The following ANKRD36C variants were observed in gnomAD, a reference collection of about 807,000 sequenced individuals.
The protein encoded by ANKRD36C is ankyrin repeat domain 36C.
ANKRD36C carries 61 observed loss-of-function variants against 276.4 expected under a neutral mutation model. The observed-to-expected ratio is 0.22, with a 90% CI of 0.18 to 0.27. The LOEUF is 0.27. Among genes scored for constraint, ANKRD36C ranks in the 10% least tolerant of loss-of-function variants. The pLI, the probability that ANKRD36C is intolerant of heterozygous loss-of-function variation, is 1.00. For missense variants in ANKRD36C, 1,447 were observed against 2,032.3 expected, an observed-to-expected ratio of 0.71 and a Z score of 5.54; for synonymous variants, 483 against 680.1, an observed-to-expected ratio of 0.71 and a Z score of 4.51.
chr2:95,918,320 C>T lies in ANKRD36C; in HGVS notation c.2246-278G>A, dbSNP rs143173439. Among the ~76,000 whole-genome samples, 776 of 151,698 alleles carry T rather than the reference C, an allele frequency of 5.1e-3. 9 individuals carry two copies. The highest frequency in any genetic ancestry group is 0.018 in the African/African-American group (742 of 41,462). ...CGTGTCAATCTCAATGTGGATATGC[C>T]GAGTGATGAGGACAAACTGATCTAA... On this transcript the variant is annotated intron_variant, in intron 34 of 66. Coordinates refer to ENST00000456556, the Ensembl canonical transcript of ANKRD36C.
At chr2:95,869,294 C>A (rs909203461) in intron 59 of ANKRD36C, among the ~76,000 whole-genome samples, 1 of 152,066 alleles carries the variant, frequency 6.6e-6, no homozygotes, top group African/African-American at 2.4e-5. Flanking sequence ...TAATTTGTCA[C>A]TGTTTGTTTG....
intron 46 of ANKRD36C, among the ~76,000 whole-genome samples, chr2:95,891,398 T>C (rs1480628373): frequency 6.6e-6 from 1 of 151,420 alleles, no homozygotes; most frequent in South Asian, 2.1e-4. Flanking sequence ...CAAAATTATG[T>C]TGTTTCCCAG....
intron 42 of ANKRD36C, among the ~76,000 whole-genome samples, chr2:95,902,107 C>G (rs1274392448): frequency 2.0e-5 from 3 of 149,272 alleles, no homozygotes; most frequent in Non-Finnish European, 4.5e-5. Context: ...CATTAAATAG[C>G]TATTTTATCC....
chr2:95,889,298 A>T (rs573470671), intron 48 of ANKRD36C, among the ~76,000 whole-genome samples: 1 of 151,728 alleles, frequency 6.6e-6, no homozygotes, highest in Non-Finnish European at 1.5e-5. Flanking sequence ...CCCAAATTAC[A>T]TAAATAACTT....
intron 6 of ANKRD36C, among the ~76,000 whole-genome samples, chr2:95,977,113 G>A (rs1678827279): frequency 6.6e-6 from 1 of 151,948 alleles, no homozygotes; most frequent in East Asian, 1.9e-4. Flanking sequence ...GGGAAGGGAA[G>A]TTATTCTTCC....
intron 6 of ANKRD36C, among the ~76,000 whole-genome samples, chr2:95,966,114 C>G (rs1349664376): frequency 6.6e-6 from 1 of 152,108 alleles, no homozygotes; most frequent in Non-Finnish European, 1.5e-5. Flanking sequence ...ATTTTTAAAA[C>G]TCAGAGGTAC....
intron 3 of ANKRD36C, 108 bp from the exon 4 acceptor site, chr2:95,982,470 C>G: frequency 1.0e-6 from 1 of 962,980 alleles, no homozygotes; most frequent in Non-Finnish European, 1.5e-6. Flanking sequence ...ATTGAAAGGT[C>G]GTAAGAGGTA....
rs546037954 is a variant in ANKRD36C at position 95,875,587 on chromosome 2, G to A, written c.3540+852C>T. Reference sequence around the variant, plus strand: ...GGAGATATACCTAATGCTAAATGACGAGTTAATGGGTGCAGCGCACCAGCA... The same window carrying A: ...GGAGATATACCTAATGCTAAATGACAAGTTAATGGGTGCAGCGCACCAGCA... On this transcript the variant is annotated intron_variant, in intron 59 of 66. Coordinates refer to ENST00000456556, the Ensembl canonical transcript of ANKRD36C. Among the ~76,000 whole-genome samples the A allele has an allele frequency of 3.9e-3, 591 of 151,042 alleles. 4 individuals carry two copies. Among genetic ancestry groups the A allele is most frequent in the African/African-American group, 0.013 (533 of 41,096 alleles).
exon 46 of ANKRD36C, chr2:95,891,700 G>T (rs919675078): frequency 3.2e-6 from 5 of 1,577,320 alleles, no homozygotes; most frequent in Non-Finnish European, 4.3e-6. Context: ...TTTTCCTCTG[G>T]CTATATTCAA....
intron 5 of ANKRD36C, among the ~76,000 whole-genome samples, chr2:95,978,651 A>G (rs1401063631): frequency 6.6e-6 from 1 of 152,058 alleles, no homozygotes; most frequent in Non-Finnish European, 1.5e-5. Flanking sequence ...CGCTGAAACT[A>G]TTTTGAAATC....
intron 26 of ANKRD36C, among the ~76,000 whole-genome samples, chr2:95,928,415 A>T (rs1037125858): frequency 6.6e-6 from 1 of 151,564 alleles, no homozygotes; most frequent in Non-Finnish European, 1.5e-5. Flanking sequence ...AACAAAGAGG[A>T]GTAATGAGTC....
intron 38 of ANKRD36C, among the ~76,000 whole-genome samples, chr2:95,915,581 A>T (rs1291316457): frequency 6.6e-6 from 1 of 151,462 alleles, no homozygotes; most frequent in African/African-American, 2.4e-5. Flanking sequence ...CTCCTTCTAC[A>T]GTGTCTACCG....
chr2:95,941,970 C>G (rs1201087101), intron 19 of ANKRD36C, among the ~76,000 whole-genome samples: 16 of 144,730 alleles, frequency 1.1e-4, no homozygotes, highest in East Asian at 4.1e-4. Flanking sequence ...TGCAGTTTTT[C>G]TGCTTCAATG....
At chr2:95,897,496 A>C (rs1258214699) in intron 44 of ANKRD36C, 31 bp from the exon 59 acceptor site, 1 of 1,520,230 alleles carries the variant, frequency 6.6e-7, no homozygotes, top group East Asian at 2.5e-5. Flanking sequence ...ATAATCACTC[A>C]TATGTAAAAA....
chr2:95,954,537 C>G (rs1678282766), intron 13 of ANKRD36C, among the ~76,000 whole-genome samples: 1 of 152,136 alleles, frequency 6.6e-6, no homozygotes, highest in Admixed American at 6.6e-5. Context: ...CCCATTGATT[C>G]TTTTCACCCT....
intron 6 of ANKRD36C, among the ~76,000 whole-genome samples, chr2:95,974,050 C>CAA (rs1207476983): frequency 4.6e-5 from 4 of 87,434 alleles, no homozygotes; most frequent in Admixed American, 2.1e-4. Flanking sequence ...GACTCAATCT[C>CAA]AAAAAAAAAA....
In ANKRD36C at chr2:95,921,868, C is replaced by T. The variant is rs568927097; in HGVS notation, c.2144-58G>A. The T allele has an allele frequency of 2.4e-5, 37 of 1,527,868 alleles. 1 individual carries two copies. In the South Asian group the frequency reaches 4.6e-4, roughly 19 times the overall value. The allele number at this position is 1,527,868 out of a possible 1,614,324, so 94.6% of individuals were successfully genotyped here. A position where few individuals can be genotyped will look rare whatever the true frequency, so the allele number is the denominator to read the frequency against. ...AAATATGATACATTTTCCATACATT[C>T]ATGCGGTGTTAGCATCAAGCTGTAT... On this transcript the variant is annotated intron_variant, in intron 32 of 66. Coordinates refer to ENST00000456556, the Ensembl canonical transcript of ANKRD36C.
At chr2:95,947,705 A>G (rs939865692) in intron 17 of ANKRD36C, among the ~76,000 whole-genome samples, 2 of 152,186 alleles carry the variant, frequency 1.3e-5, no homozygotes, top group East Asian at 1.9e-4. Context: ...AACAAAATGC[A>G]TATTCTTCAA....
intron 58 of ANKRD36C, among the ~76,000 whole-genome samples, chr2:95,878,187 A>C (rs1174645861): frequency 6.6e-6 from 1 of 150,790 alleles, no homozygotes; most frequent in Non-Finnish European, 1.5e-5. Flanking sequence ...CTGTCTCAAA[A>C]AAAAAAAAAA....
Sources: gnomAD v4.1 joint callset for allele counts (sites outside exome capture counted in the v4.1 genomes callset) on GRCh38, gnomAD v4.1.1 for gene constraint, MANE v1.5 for transcripts, NCBI Gene and HGNC (gene_info 2026-07-23, HGNC 2026-07-21) for gene names.